Variants in NLRP12 observed in about 807,000 individuals in gnomAD.
The protein encoded by NLRP12 is NLR family pyrin domain containing 12.
Under a neutral mutation model 91.2 loss-of-function variants are expected in NLRP12, and 108 were observed. The ratio of observed to expected loss-of-function variants is 1.18; its 90% CI spans 1.01 to 1.39. NLRP12 has a LOEUF of 1.39. Ranked by LOEUF, NLRP12 falls within the 40% of genes most tolerant of loss-of-function variation. NLRP12 has a pLI of 0.00. For missense variants in NLRP12, 1,530 were observed against 1,352.7 expected (o/e 1.13, Z -2.06); for synonymous variants, 613 against 566.7 (o/e 1.08, Z -1.16).
intron 1 of NLRP12, among the ~76,000 whole-genome samples, chr19:53,823,447 T>TAAATATAATTTTA: frequency 1.5e-5 from 1 of 66,010 alleles, no homozygotes; most frequent in Non-Finnish European, 3.6e-5. Context: ...ATATATGTTT[T>TAAATATAATTTTA]AAATATATAT....
chr19:53,794,721 C>T (rs1049787603), intron 9 of NLRP12, among the ~76,000 whole-genome samples: 4 of 150,436 alleles, frequency 2.7e-5, no homozygotes, highest in Non-Finnish European at 5.9e-5. Flanking sequence ...GGCTAGAGTG[C>T]AGTGGCATGA....
Position 53,810,983 on chromosome 19 carries a change from G to T in NLRP12, c.676C>A (p.Leu226Met). 1 of 1,614,174 alleles carries T rather than the reference G, an allele frequency of 6.2e-7. No individual in the cohort carries two copies. Among genetic ancestry groups the T allele is most frequent in the Non-Finnish European group, 8.5e-7 (1 of 1,180,044 alleles). ...CAGTCCAGCATCACCTTGTGTGCCAGCATGGACTTGCCTATCCCTGCCGCG... is the reference window on the plus strand; with the variant it reads ...CAGTCCAGCATCACCTTGTGTGCCATCATGGACTTGCCTATCCCTGCCGCG... ...QGAAGIGKSM[L>M]AHKVMLDWAD... Residue 226 changes from leucine to methionine, a missense_variant, in exon 3 of 10, where the codon CTG becomes ATG. Coordinates refer to ENST00000324134, the MANE Select transcript of NLRP12 (RefSeq NM_144687.4).
At chr19:53,809,535 A>G in intron 3 of NLRP12, 52 bp downstream of exon 3, 1 of 1,448,860 alleles carries the variant, frequency 6.9e-7, no homozygotes, top group Non-Finnish European at 9.3e-7. Context: ...AAAAAAAAAA[A>G]AAAAAACACA....
chr19:53,810,510 C>T lies in NLRP12; in HGVS notation c.1149G>A (p.Gln383=). Reference sequence around the variant, plus strand: ...TCACGTAATTGAAGACTTGGCCCGCCTGCTCTGCATTGTGGAAATACTTGT... The same window carrying T: ...TCACGTAATTGAAGACTTGGCCCGCTTGCTCTGCATTGTGGAAATACTTGT... The part of the protein sequence containing the change: ...YFYKYFHNAE[Q]AGQVFNYVRD... The change falls in exon 3 of 10, where the codon CAG becomes CAA. Residue 383 remains glutamine (Q), a synonymous_variant. Transcript: ENST00000324134. 26 of 1,614,150 alleles carry T rather than the reference C, an allele frequency of 1.6e-5. No homozygotes were observed. Among genetic ancestry groups the T allele is most frequent in the Non-Finnish European group, 2.2e-5 (26 of 1,180,022 alleles).
rs1164582530 is a variant in NLRP12 at position 53,804,057 on chromosome 19, G to C, written c.2480C>G (p.Pro827Arg). 1 of 1,614,022 alleles carries C rather than the reference G, an allele frequency of 6.2e-7. No homozygotes were observed. Among genetic ancestry groups the C allele is most frequent in the Non-Finnish European group, 8.5e-7 (1 of 1,180,010 alleles). ...QEMASVLGTN[P>R]HLVELDLTGN... ...TGTCAGGTCCAACTCAACCAGATGTGGGTTGGTGCCGAGCACAGAAGCCAT... is the reference window on the plus strand; with the variant it reads ...TGTCAGGTCCAACTCAACCAGATGTCGGTTGGTGCCGAGCACAGAAGCCAT... The change falls in exon 6 of 10, where the codon CCA becomes CGA. Residue 827 changes from proline (P) to arginine (R), a missense_variant. By Grantham distance (103) the Pro-to-Arg change is moderately radical. Transcript: ENST00000324134.
chr19:53,822,602 G>T (rs2092276464), intron 1 of NLRP12, among the ~76,000 whole-genome samples: 1 of 151,922 alleles, frequency 6.6e-6, no homozygotes, highest in South Asian at 2.1e-4. Flanking sequence ...GCCAGGCATG[G>T]TGGCAGGTAC....
At chr19:53,801,097 A>G in intron 7 of NLRP12, 130 bp downstream of exon 7, 1 of 663,778 alleles carries the variant, frequency 1.5e-6, no homozygotes. Context: ...GGAGTCTCAA[A>G]AAAAAAAAAA....
rs1245377117 is a variant in NLRP12 at position 53,809,453 on chromosome 19, C to T, written c.2072+134G>A. ...GGCTGAAGCAGGAGAATCTCTTGAA[C>T]CCGGGAGGCGGAGGTTGCAGTGAGC... On this transcript the variant is annotated intron_variant, in intron 3 of 9. Coordinates refer to ENST00000324134, the MANE Select transcript of NLRP12 (RefSeq NM_144687.4). 1.5e-5 allele frequency: 13 copies of T among 854,210 alleles called. No homozygotes were observed. The East Asian group carries it at 2.8e-4, about 18-fold the overall frequency. The allele number at this position is 854,210 out of a possible 1,614,324, so 52.9% of individuals were successfully genotyped here. A position where few individuals can be genotyped will look rare whatever the true frequency, so the allele number is the denominator to read the frequency against.
Position 53,809,752 on chromosome 19 carries a change from A to G in NLRP12, c.1907T>C (p.Ile636Thr). 1 of 1,614,080 alleles carries G rather than the reference A, an allele frequency of 6.2e-7. No homozygotes were observed. The highest frequency in any genetic ancestry group is 8.5e-7 in the Non-Finnish European group (1 of 1,180,016). The change falls in exon 3 of 10, where the codon ATC becomes ACC. Residue 636 changes from isoleucine (I) to threonine (T), a missense_variant. Physicochemically the swap from Ile to Thr is moderately conservative, Grantham distance 89 (BLOSUM62 -1). Transcript: ENST00000324134. ...IQQALSHFQV[I>T]VVSNIASKME... ...CTTGGAGGCAATGTTGCTGACCACGATCACCTGGAAGTGGCTCAGGGCCTG... is the reference window on the plus strand; with the variant it reads ...CTTGGAGGCAATGTTGCTGACCACGGTCACCTGGAAGTGGCTCAGGGCCTG...
chr19:53,809,745 GA>G lies in NLRP12; in HGVS notation c.1913del (p.Val638AlafsTer17). ...GCTCCATCTTGGAGGCAATGTTGCT[GA>G]CCACGATCACCTGGAAGTGGCTCAG... ...QALSHFQVIV[V>X]SNIASKMEHM... On this transcript the variant is annotated frameshift_variant, in exon 3 of 10. Transcript: ENST00000324134. LOFTEE classifies it high-confidence loss of function. 1 of 1,614,112 alleles carries G rather than the reference GA, an allele frequency of 6.2e-7. No homozygotes were observed. Among genetic ancestry groups the G allele is most frequent in the Non-Finnish European group, 8.5e-7 (1 of 1,180,024 alleles).
chr19:53,809,540 AACAC>A, intron 3 of NLRP12, 43 bp downstream of exon 3: 54 of 1,448,172 alleles, frequency 3.7e-5, no homozygotes, highest in African/African-American at 5.0e-5. Flanking sequence ...AAAAAAAAAA[AACAC>A]ACGAACCTAA....
intron 8 of NLRP12, among the ~76,000 whole-genome samples, chr19:53,797,283 C>G (rs987950331): frequency 4.6e-5 from 7 of 152,114 alleles, no homozygotes; most frequent in African/African-American, 9.7e-5. Context: ...AGACACCCAC[C>G]ACCACGCCAG....
At chr19:53,816,242 A>AC (rs902658380) in intron 1 of NLRP12, among the ~76,000 whole-genome samples, 14 of 151,934 alleles carry the variant, frequency 9.2e-5, no homozygotes, top group African/African-American at 3.4e-4. Context: ...AGCCAGCGGC[A>AC]CCCCATCTGG....
intron 1 of NLRP12, among the ~76,000 whole-genome samples, chr19:53,822,607 A>G (rs907781573): frequency 1.3e-5 from 2 of 151,840 alleles, no homozygotes; most frequent in Non-Finnish European, 2.9e-5. Context: ...GCATGGTGGC[A>G]GGTACCTGTA....
intron 6 of NLRP12, among the ~76,000 whole-genome samples, chr19:53,802,280 T>C (rs913818216): frequency 1.8e-4 from 27 of 152,026 alleles, no homozygotes; most frequent in Non-Finnish European, 8.8e-5. Flanking sequence ...GAATACACAT[T>C]TCTTCAAGGA....
rs140210799 is a variant in NLRP12, at chr19:53,806,165, C to T, written c.2244-715G>A. ...AGGAGAATTGCTTGAACTCAGGAGG[C>T]GGAGGTTGCAGTGAGTCGAGATCAT... On this transcript the variant is annotated intron_variant, in intron 4 of 9. Transcript: ENST00000324134. Among the ~76,000 whole-genome samples the T allele has an allele frequency of 2.2e-3, 340 of 151,938 alleles. 2 individuals carry two copies. Among genetic ancestry groups the T allele is most frequent in the Middle Eastern group, 0.01 (3 of 294 alleles).
intron 2 of NLRP12, among the ~76,000 whole-genome samples, chr19:53,813,443 A>C (rs895910438): frequency 6.6e-6 from 1 of 151,390 alleles, no homozygotes; most frequent in Non-Finnish European, 1.5e-5. Flanking sequence ...CTCAGACTAC[A>C]GGTGCCTGCC....
intron 3 of NLRP12, among the ~76,000 whole-genome samples, chr19:53,809,223 T>TAAA (rs2092011536): frequency 2.3e-5 from 1 of 43,510 alleles, no homozygotes; most frequent in African/African-American, 1.1e-4. Context: ...GAGACTTAGT[T>TAAA]TAAAAAAAAA....
chr19:53,801,347 G>A lies in NLRP12; in HGVS notation c.2636C>T (p.Thr879Ile), dbSNP rs776472768. 96 of 1,613,642 alleles carry A rather than the reference G, an allele frequency of 5.9e-5. 2 individuals carry two copies. In the South Asian group the frequency reaches 1.0e-3, roughly 18 times the overall value. The change falls in exon 7 of 10, where the codon ACT (threonine) becomes ATT (isoleucine). Residue 879 changes from threonine to isoleucine, a missense_variant. By Grantham distance (89) the Thr-to-Ile change is moderately conservative (BLOSUM62 -1). Coordinates refer to ENST00000324134, the MANE Select transcript of NLRP12 (RefSeq NM_144687.4). The part of the protein sequence containing the change: ...TAAACDELAS[T>I]LSVNQSLREL... The stretch of plus-strand genomic sequence containing the variant: ...TCTCAGGCTCTGGTTCACACTGAGA[G>A]TTGAGGCCAGCTCGTCACAGGCAGC...
Sources: gnomAD v4.1 joint callset for allele counts (sites outside exome capture counted in the v4.1 genomes callset) on GRCh38, gnomAD v4.1.1 for gene constraint, MANE v1.5 for transcripts, NCBI Gene and HGNC (gene_info 2026-07-23, HGNC 2026-07-21) for gene names.